Variants in PDE4B observed in about 807,000 individuals in gnomAD.
The protein encoded by PDE4B is 3',5'-cyclic-AMP phosphodiesterase 4B.
PDE4B carries 20 observed loss-of-function variants against 82.2 expected under a neutral mutation model. The observed-to-expected ratio is 0.24, with a 90% CI of 0.17 to 0.35. The LOEUF (loss-of-function observed/expected upper bound fraction) is 0.35. Ranked by LOEUF, PDE4B falls within the 10% of genes least tolerant of loss-of-function variation. The pLI is 1.00. For synonymous variants in PDE4B, 320 were observed against 318.9 expected (o/e 1.00, Z -0.04); for missense variants, 655 against 907.2 (o/e 0.72, Z 3.57).
At chr1:66,239,446 C>T (rs180814300) in intron 3 of PDE4B, among the ~76,000 whole-genome samples, 4 of 152,220 alleles carry the variant, frequency 2.6e-5, no homozygotes, top group Non-Finnish European at 1.5e-5. Context: ...GTTGTAACAT[C>T]GTTTAGGGGT....
chr1:66,219,584 TGC>T (rs1650795678), intron 3 of PDE4B, among the ~76,000 whole-genome samples: 2 of 152,184 alleles, frequency 1.3e-5, no homozygotes, highest in Non-Finnish European at 2.9e-5. Flanking sequence ...CTTTGGATTC[TGC>T]ACCATGTTTT....
At chr1:66,338,832 A>C (rs6658558) in intron 8 of PDE4B, among the ~76,000 whole-genome samples, 5,682 of 151,736 alleles carry the variant, frequency 0.037, 305 homozygotes, top group African/African-American at 0.12. Flanking sequence ...TCCCGGCTAA[A>C]ACGGTGAAAC....
intron 3 of PDE4B, among the ~76,000 whole-genome samples, chr1:66,168,666 G>A (rs1221523035): frequency 1.3e-5 from 2 of 152,168 alleles, no homozygotes; most frequent in African/African-American, 4.8e-5. Context: ...TAGAAGGGAG[G>A]CCAACTGGAA....
intron 4 of PDE4B, among the ~76,000 whole-genome samples, chr1:66,256,856 G>T (rs1036800516): frequency 1.3e-5 from 2 of 152,208 alleles, no homozygotes; most frequent in African/African-American, 4.8e-5. Context: ...AAAGTGGCCT[G>T]ATTTTGTGAC....
rs1342665376 is a variant in PDE4B at position 65,875,780 on chromosome 1, A to C, written c.-70-37465A>C. 2.5e-5 allele frequency among the ~76,000 whole-genome samples: 3 copies of C among 119,230 alleles called. No homozygotes were observed. In the South Asian group the frequency reaches 8.6e-4, roughly 34 times the overall value. 78.2% of individuals were successfully genotyped at this position (119,230 alleles called of 152,430 possible). A position where few individuals can be genotyped will look rare whatever the true frequency, so the allele number is the denominator to read the frequency against. ...ATCACATGGACACAGGAAGGGGAAC[A>C]TCACACTCTGGGGACTGTGGTGGGG... On this transcript the variant is annotated intron_variant, in intron 1 of 16. Transcript: ENST00000341517.
At chr1:65,827,306 G>A (rs1328885877) in intron 1 of PDE4B, among the ~76,000 whole-genome samples, 1 of 151,918 alleles carries the variant, frequency 6.6e-6, no homozygotes, top group East Asian at 1.9e-4. Context: ...ACAAATCAGA[G>A]CCCGTCTCAG....
intron 3 of PDE4B, among the ~76,000 whole-genome samples, chr1:66,058,294 G>C (rs1179571058): frequency 6.6e-6 from 1 of 152,206 alleles, no homozygotes; most frequent in Non-Finnish European, 1.5e-5. Context: ...CTTCCTCCCA[G>C]CTGCTTTCAT....
chr1:66,327,364 T>C (rs561363554), intron 7 of PDE4B, among the ~76,000 whole-genome samples: 16 of 152,234 alleles, frequency 1.1e-4, no homozygotes, highest in Non-Finnish European at 2.2e-4. Context: ...TATGTATGTT[T>C]ACACAGACAC....
chr1:65,825,705 C>CCTATCTATATCTAT (rs1553188289), intron 1 of PDE4B, among the ~76,000 whole-genome samples: 8 of 107,374 alleles, frequency 7.5e-5, no homozygotes, highest in African/African-American at 2.6e-4. Context: ...AACAAAATTA[C>CCTATCTATATCTAT]CTATCTATCT....
intron 3 of PDE4B, among the ~76,000 whole-genome samples, chr1:66,085,837 A>G (rs944048114): frequency 2.0e-5 from 3 of 152,118 alleles, no homozygotes; most frequent in Admixed American, 6.6e-5. Flanking sequence ...TGCCTTGTCA[A>G]AAAATAGATG....
intron 3 of PDE4B, among the ~76,000 whole-genome samples, chr1:66,018,326 A>G (rs1423529633): frequency 6.6e-6 from 1 of 152,134 alleles, no homozygotes; most frequent in African/African-American, 2.4e-5. Flanking sequence ...AGGCTGAGGT[A>G]GGAGAACGGC....
chr1:65,824,088 C>T (rs536126501), intron 1 of PDE4B, among the ~76,000 whole-genome samples: 38 of 152,254 alleles, frequency 2.5e-4, no homozygotes, highest in Non-Finnish European at 5.0e-4. Context: ...TAGGGGATAG[C>T]AATTGTTTTG....
At chr1:66,360,140 G>A (rs1458981257) in intron 9 of PDE4B, among the ~76,000 whole-genome samples, 5 of 152,102 alleles carry the variant, frequency 3.3e-5, no homozygotes, top group Non-Finnish European at 5.9e-5. Flanking sequence ...TTTCCTGGGT[G>A]CTTCTGATGC....
intron 3 of PDE4B, among the ~76,000 whole-genome samples, chr1:66,080,069 C>T (rs889023938): frequency 6.6e-6 from 1 of 152,148 alleles, no homozygotes; most frequent in Non-Finnish European, 1.5e-5. Flanking sequence ...AGGTCTCTAA[C>T]TCTGTAAGAG....
chr1:66,273,055 A>G (rs1046860245), intron 7 of PDE4B, among the ~76,000 whole-genome samples: 1 of 152,002 alleles, frequency 6.6e-6, no homozygotes, highest in African/African-American at 2.4e-5. Flanking sequence ...CTCCCAAAGT[A>G]GAACTATTCT....
intron 3 of PDE4B, among the ~76,000 whole-genome samples, chr1:66,024,220 A>G (rs537272955): frequency 6.6e-6 from 1 of 152,256 alleles, no homozygotes; most frequent in African/African-American, 2.4e-5. Flanking sequence ...TAATAGATAA[A>G]CACTATTTTT....
intron 7 of PDE4B, among the ~76,000 whole-genome samples, chr1:66,290,377 A>G (rs987341031): frequency 3.3e-5 from 5 of 152,192 alleles, no homozygotes; most frequent in African/African-American, 1.2e-4. Context: ...TTCATTTATT[A>G]ACTCAATCCT....
In PDE4B at chr1:66,250,652, T is replaced by G. The variant is rs553763215; in HGVS notation, c.476+2998T>G. Among the ~76,000 whole-genome samples the G allele has an allele frequency of 5.9e-5, 9 of 152,322 alleles. No individual in the cohort carries two copies. In the South Asian group the frequency reaches 1.9e-3, roughly 32 times the overall value. ...TAGATGTGGCAATAGTTTGCTGGTT[T>G]CTGTTCAGTTCCTGTGTTGTAGTCA... On this transcript the variant is annotated intron_variant, in intron 4 of 16. Transcript: ENST00000341517.
At chr1:66,023,970 C>T (rs985936781) in intron 3 of PDE4B, among the ~76,000 whole-genome samples, 1 of 152,060 alleles carries the variant, frequency 6.6e-6, no homozygotes, top group Non-Finnish European at 1.5e-5. Context: ...AAAAATACTA[C>T]ATACTGATCT....
Sources: gnomAD v4.1 joint callset for allele counts (sites outside exome capture counted in the v4.1 genomes callset) on GRCh38, gnomAD v4.1.1 for gene constraint, MANE v1.5 for transcripts, NCBI Gene and HGNC (gene_info 2026-07-23, HGNC 2026-07-21) for gene names.